The following BMPR2 variants were observed in gnomAD, a reference collection of about 807,000 sequenced individuals.
BMPR2 encodes the protein bone morphogenetic protein receptor type-2.
Under a neutral mutation model 100.8 loss-of-function variants are expected in BMPR2, and 29 were observed. That is an observed-to-expected ratio of 0.29 (90% CI 0.21 to 0.39). The LOEUF is 0.39. BMPR2 is among the 10% of genes least tolerant of loss of function. The pLI, the probability that BMPR2 is intolerant of heterozygous loss-of-function variation, is 1.00. For synonymous variants in BMPR2, 382 were observed against 442.3 expected, an observed-to-expected ratio of 0.86 and a Z score of 1.71; for missense variants, 1,011 against 1,274.5, an observed-to-expected ratio of 0.79 and a Z score of 3.15.
chr2:202,388,405 A>AAC (rs1213775038), intron 1 of BMPR2, among the ~76,000 whole-genome samples: 14 of 150,206 alleles, frequency 9.3e-5, no homozygotes, highest in African/African-American at 3.4e-4. Flanking sequence ...TCAAAAAAAA[A>AAC]AAAAAAAAAA....
At chr2:202,466,564 G>A (rs766722326) in intron 2 of BMPR2, among the ~76,000 whole-genome samples, 14 of 152,184 alleles carry the variant, frequency 9.2e-5, no homozygotes, top group Non-Finnish European at 1.9e-4. Flanking sequence ...GGGATTACAC[G>A]TGTGAGCCAC....
intron 3 of BMPR2, among the ~76,000 whole-genome samples, chr2:202,489,077 C>T (rs1692844946): frequency 3.3e-5 from 5 of 151,418 alleles, no homozygotes. Context: ...TCTCAGCTCA[C>T]TGCAACCTCT....
At chr2:202,520,409 C>G (rs1465124418) in intron 7 of BMPR2, 1 of 587,820 alleles carries the variant, frequency 1.7e-6, no homozygotes, top group Non-Finnish European at 3.0e-6. Flanking sequence ...GAGGGGCAGT[C>G]CTGGTGCTTG....
chr2:202,416,400 A>G (rs2105920498), intron 1 of BMPR2, among the ~76,000 whole-genome samples: 1 of 151,058 alleles, frequency 6.6e-6, no homozygotes, highest in Admixed American at 6.6e-5. Context: ...AGCTGGAACT[A>G]CAGGTGTGCA....
rs1687815469 is a variant in BMPR2, at chr2:202,521,309, G to A, written c.967+1108G>A. Among the ~76,000 whole-genome samples, 3 of 152,342 alleles carry A rather than the reference G, an allele frequency of 2.0e-5. No homozygotes were observed. In the South Asian group the frequency reaches 6.2e-4, roughly 32 times the overall value. On this transcript the variant is annotated intron_variant, in intron 7 of 12. Coordinates refer to ENST00000374580, the MANE Select transcript of BMPR2 (RefSeq NM_001204.7). ...CGGGCGTGATTGATGGCTCATGCCT[G>A]TAACTCTGACACTTTGGGAGACCAA...
chr2:202,417,715 T>G (rs1691163935), intron 1 of BMPR2, among the ~76,000 whole-genome samples: 1 of 149,670 alleles, frequency 6.7e-6, no homozygotes, highest in Admixed American at 6.6e-5. Flanking sequence ...TTTTCTATAT[T>G]CCTTTTTTTT....
At chr2:202,382,298 T>G (rs1399354344) in intron 1 of BMPR2, among the ~76,000 whole-genome samples, 2 of 152,096 alleles carry the variant, frequency 1.3e-5, no homozygotes, top group Non-Finnish European at 2.9e-5. Context: ...GATCTTGTGA[T>G]CCACCTGCCC....
intron 12 of BMPR2, among the ~76,000 whole-genome samples, chr2:202,557,275 A>G (rs1156832046): frequency 6.6e-6 from 1 of 152,088 alleles, no homozygotes; most frequent in Non-Finnish European, 1.5e-5. Flanking sequence ...CAGCCTGGCC[A>G]AGGTGGTGAA....
chr2:202,554,360 G>T (rs1418155737), intron 11 of BMPR2, among the ~76,000 whole-genome samples: 1 of 151,990 alleles, frequency 6.6e-6, no homozygotes, highest in Non-Finnish European at 1.5e-5. Context: ...TTCGCCTCCT[G>T]TGTCATTCGG....
At position 202,467,046 on chromosome 2, in the gene BMPR2, A is replaced by C. The variant is rs1692337229; in HGVS notation, c.248-473A>C. 3 of 200,258 alleles carry C rather than the reference A, an allele frequency of 1.5e-5. No homozygotes were observed. In the South Asian group the frequency reaches 2.7e-4, roughly 18 times the overall value. 12.4% of individuals were successfully genotyped at this position (200,258 alleles called of 1,614,324 possible). On this transcript the variant is annotated intron_variant, in intron 2 of 12. Transcript: ENST00000374580. Reference sequence around the variant, plus strand: ...GAGGCCGAGGCAGGCAGATCACCTGAGCTCAGGAGTTTGAGACCGGCCTGA... The same window carrying C: ...GAGGCCGAGGCAGGCAGATCACCTGCGCTCAGGAGTTTGAGACCGGCCTGA...
At chr2:202,458,762 C>A (rs1692171088) in intron 1 of BMPR2, among the ~76,000 whole-genome samples, 2 of 152,122 alleles carry the variant, frequency 1.3e-5, no homozygotes, top group African/African-American at 2.4e-5. Flanking sequence ...TTGTATCTGC[C>A]TATAAGCAAA....
intron 3 of BMPR2, among the ~76,000 whole-genome samples, chr2:202,496,385 T>C (rs1049916603): frequency 9.2e-5 from 14 of 152,096 alleles, no homozygotes; most frequent in African/African-American, 2.9e-4. Flanking sequence ...GCTGAGGTGA[T>C]AGGATCGCTT....
At position 202,447,001 on chromosome 2, in the gene BMPR2, C is replaced by T. The variant is rs114094769; in HGVS notation, c.77-17808C>T. Among the ~76,000 whole-genome samples, 971 of 149,302 alleles carry T rather than the reference C, an allele frequency of 6.5e-3. 87 individuals carry two copies. Among genetic ancestry groups the T allele is most frequent in the African/African-American group, 0.024 (930 of 39,144 alleles). ...TATGCTGGTGTTTAATACGGTCTTT[C>T]CCCTCTAAAAATAGATTGTAGATTG... is the stretch of plus-strand genomic sequence containing the variant. On this transcript the variant is annotated intron_variant, in intron 1 of 12. Transcript: ENST00000374580.
At chr2:202,408,773 T>C (rs1302882944) in intron 1 of BMPR2, among the ~76,000 whole-genome samples, 1 of 152,236 alleles carries the variant, frequency 6.6e-6, no homozygotes, top group Non-Finnish European at 1.5e-5. Flanking sequence ...ATTATCCATG[T>C]TTTTATTTCG....
intron 9 of BMPR2, among the ~76,000 whole-genome samples, chr2:202,533,128 T>C (rs1180182295): frequency 6.6e-6 from 1 of 152,212 alleles, no homozygotes; most frequent in South Asian, 2.1e-4. Flanking sequence ...AAACACTTTT[T>C]CCTTTTCTTT....
intron 3 of BMPR2, among the ~76,000 whole-genome samples, chr2:202,505,625 A>C (rs1233597874): frequency 6.6e-6 from 1 of 151,980 alleles, no homozygotes; most frequent in African/African-American, 2.4e-5. Context: ...AGACCTCCTT[A>C]CTTACTCTCC....
At chr2:202,380,628 CTTTTTTTTT>C (rs34657186) in intron 1 of BMPR2, among the ~76,000 whole-genome samples, 2 of 136,012 alleles carry the variant, frequency 1.5e-5, no homozygotes, top group Admixed American at 1.5e-4. Context: ...GGATTTCTTT[CTTTTTTTTT>C]TTTTTTTTGA....
chr2:202,491,698 C>T (rs1272300246), intron 3 of BMPR2, among the ~76,000 whole-genome samples: 1 of 152,168 alleles, frequency 6.6e-6, no homozygotes, highest in Non-Finnish European at 1.5e-5. Flanking sequence ...GGCACCACGC[C>T]TGGCCAGGTG....
At chr2:202,488,229 G>A (rs891167200) in intron 3 of BMPR2, among the ~76,000 whole-genome samples, 1 of 152,088 alleles carries the variant, frequency 6.6e-6, no homozygotes, top group Admixed American at 6.6e-5. Flanking sequence ...AATATGTCAG[G>A]AAGGAATATG....
Sources: allele counts gnomAD v4.1 joint callset (sites outside exome capture counted in the v4.1 genomes callset), GRCh38; gene constraint gnomAD v4.1.1; transcripts MANE v1.5; gene names NCBI Gene and HGNC (gene_info 2026-07-23, HGNC 2026-07-21).